Variants in SAMD4B observed in about 807,000 individuals in gnomAD.
SAMD4B encodes sterile alpha motif domain containing 4B.
A neutral mutation model predicts 74.5 loss-of-function variants in SAMD4B; 5 were observed. The observed-to-expected ratio is 0.07, with a 90% CI of 0.04 to 0.14. The LOEUF is 0.14. SAMD4B is among the 10% of genes least tolerant of loss of function. The probability of loss-of-function intolerance (pLI) is 1.00; values close to 1 mark genes in which losing one functional copy is unlikely to be tolerated. For missense variants in SAMD4B, 608 were observed against 921.8 expected (o/e 0.66, Z 4.41); for synonymous variants, 373 against 374.9 (o/e 1.00, Z 0.06).
At position 39,384,149 on chromosome 19, in the gene SAMD4B, G is replaced by C; in HGVS notation, c.*622G>C. 1 of 194,738 alleles carries C rather than the reference G, an allele frequency of 5.1e-6. No individual in the cohort carries two copies. The highest frequency in any genetic ancestry group is 1.1e-5 in the Non-Finnish European group (1 of 94,938). The allele number at this position is 194,738 out of a possible 1,614,324, so 12.1% of individuals were successfully genotyped here. A position where few individuals can be genotyped will look rare whatever the true frequency, so the allele number is the denominator to read the frequency against. ...GAGGTTCTCTATGATTAATTTCTTA[G>C]GCCTATTTAAGATACATATTTATAT... is the stretch of plus-strand genomic sequence containing the variant. On this transcript the variant is annotated 3_prime_UTR_variant, in exon 14 of 14. Coordinates refer to ENST00000610417, the MANE Select transcript of SAMD4B (RefSeq NM_001384574.2).
Position 39,385,447 on chromosome 19 carries a change from G to A in SAMD4B, c.*1920G>A. 1 of 417,630 alleles carries A rather than the reference G, an allele frequency of 2.4e-6. No individual in the cohort carries two copies. Among genetic ancestry groups the A allele is most frequent in the Non-Finnish European group, 4.2e-6 (1 of 236,178 alleles). 25.9% of individuals were successfully genotyped at this position (417,630 alleles called of 1,614,324 possible). A position where few individuals can be genotyped will look rare whatever the true frequency, so the allele number is the denominator to read the frequency against. ...CTGCCCCCCACCCCACCTGACAGCAGAGTGTGCAGGACGCAGGCGGCCCCA... is the reference window on the plus strand; with the variant it reads ...CTGCCCCCCACCCCACCTGACAGCAAAGTGTGCAGGACGCAGGCGGCCCCA... On this transcript the variant is annotated 3_prime_UTR_variant, in exon 14 of 14. Transcript: ENST00000610417.
At chr19:39,364,169 T>C (rs186063086) in intron 3 of SAMD4B, among the ~76,000 whole-genome samples, 2 of 152,356 alleles carry the variant, frequency 1.3e-5, no homozygotes, top group East Asian at 1.9e-4. Context: ...CTTGGGGCTG[T>C]TCTGTCATGT....
At chr19:39,376,968 G>A (rs956592534) in intron 7 of SAMD4B, among the ~76,000 whole-genome samples, 177 bp downstream of exon 7, 2 of 152,182 alleles carry the variant, frequency 1.3e-5, no homozygotes, top group African/African-American at 4.8e-5. Flanking sequence ...ACTTGCTGGT[G>A]GCTAAGAGTC....
chr19:39,363,767 T>G, intron 3 of SAMD4B, among the ~76,000 whole-genome samples: 1 of 152,228 alleles, frequency 6.6e-6, no homozygotes, highest in Non-Finnish European at 1.5e-5. Context: ...GAACTTGTGC[T>G]CTTACTTAGT....
chr19:39,387,747 C>T (rs2078284247), downstream of SAMD4B, among the ~76,000 whole-genome samples: 1 of 152,210 alleles, frequency 6.6e-6, no homozygotes, highest in African/African-American at 2.4e-5. Context: ...ATATATTACT[C>T]CATACTTTGG....
chr19:39,377,679 C>T lies in SAMD4B; in HGVS notation c.1299C>T (p.Asp433=), dbSNP rs770093642. 8.1e-6 allele frequency: 13 copies of T among 1,614,088 alleles called. No individual in the cohort carries two copies. The Middle Eastern group carries it at 6.6e-4, about 82-fold the overall frequency. Residue 433 remains aspartate, a synonymous_variant, in exon 8 of 14, where the codon GAC becomes GAT. Coordinates refer to ENST00000610417, the MANE Select transcript of SAMD4B (RefSeq NM_001384574.2). ...CTCCCCTAGCCCACCCCGGCACAGA[C>T]AAAGGCACCGAGGCCAAGGACCCTC... ...AEPPLAHPGT[D]KGTEAKDPPA...
In SAMD4B at chr19:39,383,680, C is replaced by T. The variant is rs775145675; in HGVS notation, c.*153C>T. ...TCTTACCCTCTTAACTTTTGTTTAA[C>T]ATTGGCACATGCCTTGCTCACTCCC... On this transcript the variant is annotated 3_prime_UTR_variant, in exon 14 of 14. Transcript: ENST00000610417. This position sits in a 1 kb window ranked among gnomAD's most constrained non-coding sequence, Gnocchi z 4.1. 5 of 1,555,854 alleles carry T rather than the reference C, an allele frequency of 3.2e-6. No homozygotes were observed. The highest frequency in any genetic ancestry group is 2.4e-5 in the East Asian group (1 of 41,544).
rs961551596 is a variant in SAMD4B at position 39,385,424 on chromosome 19, G to GC, written c.*1903dup. On this transcript the variant is annotated 3_prime_UTR_variant, in exon 14 of 14. Transcript: ENST00000610417. ...TCACACACACAGGGAGGCAAGAGCTGCCCCCCACCCCACCTGACAGCAGAG... is the reference window on the plus strand; with the variant it reads ...TCACACACACAGGGAGGCAAGAGCTGCCCCCCCACCCCACCTGACAGCAGAG... 9 of 415,402 alleles carry GC rather than the reference G, an allele frequency of 2.2e-5. No individual in the cohort carries two copies. The highest frequency in any genetic ancestry group is 7.8e-5 in the Admixed American group (2 of 25,800). 25.7% of individuals were successfully genotyped at this position (415,402 alleles called of 1,614,324 possible).
Position 39,383,602 on chromosome 19 carries a change from C to T in SAMD4B, c.*75C>T, listed in dbSNP as rs974198909. ...GGCCAACCCCCAACGGGCTTCTCCG[C>T]GACAGCGAGAGGGTGGGCTGGCTCA... On this transcript the variant is annotated 3_prime_UTR_variant, in exon 14 of 14. Transcript: ENST00000610417. The surrounding 1 kb of genome is among the most constrained non-coding windows in gnomAD (Gnocchi z 4.1). 56 of 1,613,722 alleles carry T rather than the reference C, an allele frequency of 3.5e-5. No individual in the cohort carries two copies. The highest frequency in any genetic ancestry group is 2.0e-4 in the East Asian group (9 of 44,892).
intron 1 of SAMD4B, chr19:39,349,711 T>A (rs1394074216): frequency 2.0e-5 from 3 of 152,222 alleles, no homozygotes; most frequent in African/African-American, 7.2e-5. Flanking sequence ...TAGGTCGTGC[T>A]GTAAAAAGAA....
downstream of SAMD4B, chr19:39,387,144 T>C (rs1371429369): frequency 2.3e-6 from 1 of 431,460 alleles, no homozygotes; most frequent in Non-Finnish European, 4.5e-6. Flanking sequence ...GTACATAGTA[T>C]AGCCTACTAC....
chr19:39,374,196 A>G (rs2077467821), intron 4 of SAMD4B, among the ~76,000 whole-genome samples: 1 of 151,456 alleles, frequency 6.6e-6, no homozygotes, highest in Admixed American at 6.6e-5. Flanking sequence ...GCTTGAACCC[A>G]GGAGGTGGAG....
Position 39,375,541 on chromosome 19 carries a change from T to C in SAMD4B, c.668-109T>C. The C allele has an allele frequency of 7.0e-7, 1 of 1,420,214 alleles. No individual in the cohort carries two copies. Among genetic ancestry groups the C allele is most frequent in the East Asian group, 2.3e-5 (1 of 43,288 alleles). 88.0% of individuals were successfully genotyped at this position (1,420,214 alleles called of 1,614,324 possible). ...CCCTTGGACCCCAGGTCCCTTCCTC[T>C]TGGCAGGTTATGGGGCCAAACTGCC... On this transcript the variant is annotated intron_variant, in intron 4 of 13. Coordinates refer to ENST00000610417, the MANE Select transcript of SAMD4B (RefSeq NM_001384574.2). This position sits in a 1 kb window ranked among gnomAD's most constrained non-coding sequence, Gnocchi z 4.1.
intron 10 of SAMD4B, among the ~76,000 whole-genome samples, chr19:39,380,331 C>T (rs1317033601): frequency 6.6e-6 from 1 of 152,200 alleles, no homozygotes; most frequent in Non-Finnish European, 1.5e-5. Context: ...GAAGTCCCTC[C>T]TTAGACCAGA....
In SAMD4B at chr19:39,378,333, A is replaced by G. The variant is rs1199280888; in HGVS notation, c.1445-171A>G. ...GTGTAGTGACAAGATTGTGTCAGGC[A>G]CTATGTTGTATATCCTCATGATAAC... On this transcript the variant is annotated intron_variant, in intron 8 of 13. Coordinates refer to ENST00000610417, the MANE Select transcript of SAMD4B (RefSeq NM_001384574.2). This position sits in a 1 kb window ranked among gnomAD's most constrained non-coding sequence, Gnocchi z 4.4. 2.0e-5 allele frequency among the ~76,000 whole-genome samples: 3 copies of G among 152,212 alleles called. No individual in the cohort carries two copies. The highest frequency in any genetic ancestry group is 1.5e-5 in the Non-Finnish European group (1 of 68,040).
intron 12 of SAMD4B, among the ~76,000 whole-genome samples, chr19:39,382,483 T>A (rs1158785078): frequency 1.3e-5 from 2 of 152,064 alleles, no homozygotes; most frequent in African/African-American, 4.8e-5. Flanking sequence ...TGATACGACA[T>A]GAGCTCAGGG....
chr19:39,389,664 C>A, downstream of SAMD4B: 1 of 1,614,194 alleles, frequency 6.2e-7, no homozygotes, highest in South Asian at 1.1e-5. This position sits in a 1 kb window ranked among gnomAD's most constrained non-coding sequence, Gnocchi z 5.3. Flanking sequence ...CGGTAGGTGT[C>A]AGGATTGATG....
intron 4 of SAMD4B, among the ~76,000 whole-genome samples, chr19:39,372,551 G>C (rs2077370208): frequency 6.6e-6 from 1 of 152,186 alleles, no homozygotes; most frequent in Non-Finnish European, 1.5e-5. Context: ...AGGGCAGGCA[G>C]CTTGGGTTTG....
chr19:39,375,610 C>T lies in SAMD4B; in HGVS notation c.668-40C>T, dbSNP rs776421914. 6.3e-7 allele frequency: 1 copy of T among 1,582,420 alleles called. No individual in the cohort carries two copies. Among genetic ancestry groups the T allele is most frequent in the African/African-American group, 1.3e-5 (1 of 74,210 alleles). On this transcript the variant is annotated intron_variant, in intron 4 of 13. Coordinates refer to ENST00000610417, the MANE Select transcript of SAMD4B (RefSeq NM_001384574.2). This position sits in a 1 kb window ranked among gnomAD's most constrained non-coding sequence, Gnocchi z 4.1. ...GGGGGATGGTCTCCTGTGGTTGGGT[C>T]CCCAGGTCTAATATTTTGCTTTTCT...
Sources: allele counts gnomAD v4.1 joint callset (sites outside exome capture counted in the v4.1 genomes callset), GRCh38; gene constraint gnomAD v4.1.1; non-coding constraint Gnocchi (gnomAD v3.1); transcripts MANE v1.5; gene names NCBI Gene and HGNC (gene_info 2026-07-23, HGNC 2026-07-21).